The following GALNT13 variants were observed in gnomAD, a reference collection of about 807,000 sequenced individuals.
GALNT13 encodes polypeptide N-acetylgalactosaminyltransferase 13.
GALNT13 carries 28 observed loss-of-function variants against 64.2 expected under a neutral mutation model. The ratio of observed to expected loss-of-function variants is 0.44; its 90% CI spans 0.32 to 0.60. The LOEUF (loss-of-function observed/expected upper bound fraction) is 0.60, where lower values mean the gene tolerates loss of function less well. Ranked by LOEUF, GALNT13 falls within the 20% of genes least tolerant of loss-of-function variation. GALNT13 has a pLI of 0.05. For synonymous variants in GALNT13, 214 were observed against 224.6 expected, an observed-to-expected ratio of 0.95 and a Z score of 0.42; for missense variants, 577 against 669.8, an observed-to-expected ratio of 0.86 and a Z score of 1.53.
At chr2:153,110,998 T>C in the GALNT13 span, among the ~76,000 whole-genome samples, 2 of 152,124 alleles carry the variant, frequency 1.3e-5, no homozygotes, top group African/African-American at 4.8e-5. Context: ...TAGAAGCTTA[T>C]ATCTTTTTTC....
chr2:154,255,986 G>A (rs1187103105), intron 7 of GALNT13, among the ~76,000 whole-genome samples: 2 of 151,936 alleles, frequency 1.3e-5, no homozygotes, highest in Admixed American at 6.6e-5. Context: ...CTGGGAAGTC[G>A]AGGCTGCAGG....
intron 8 of GALNT13, among the ~76,000 whole-genome samples, chr2:154,268,749 A>G (rs187740360): frequency 1.3e-5 from 2 of 152,240 alleles, no homozygotes; most frequent in East Asian, 3.9e-4. Context: ...TCAATATATC[A>G]TAGTCCAGTT....
chr2:153,639,375 A>G, the GALNT13 span, among the ~76,000 whole-genome samples: 2,228 of 152,282 alleles, frequency 0.015, 41 homozygotes, highest in African/African-American at 0.051. Context: ...GATAATGCCA[A>G]GGTTTCTAAG....
At chr2:153,510,124 C>G in the GALNT13 span, among the ~76,000 whole-genome samples, 1 of 152,110 alleles carries the variant, frequency 6.6e-6, no homozygotes, top group Non-Finnish European at 1.5e-5. Context: ...CCAGCCTAAG[C>G]ATGACTCAAA....
chr2:153,213,282 A>G, the GALNT13 span, among the ~76,000 whole-genome samples: 171 of 152,310 alleles, frequency 1.1e-3, 1 homozygote, highest in Non-Finnish European at 2.0e-3. Context: ...TGCACACACA[A>G]TGGGTTTGTG....
the GALNT13 span, among the ~76,000 whole-genome samples, chr2:153,789,892 A>T: frequency 0.11 from 16,302 of 152,210 alleles, 1,160 homozygotes; most frequent in Non-Finnish European, 0.16. Context: ...AAAGAAATTG[A>T]TTCCCTGAGC....
At chr2:153,341,247 G>T in the GALNT13 span, among the ~76,000 whole-genome samples, 2 of 152,208 alleles carry the variant, frequency 1.3e-5, no homozygotes, top group Admixed American at 6.5e-5. Flanking sequence ...GCTAGGAGTA[G>T]TGAGTGCTTA....
chr2:153,811,224 G>C, the GALNT13 span, among the ~76,000 whole-genome samples: 3 of 152,094 alleles, frequency 2.0e-5, no homozygotes, highest in Non-Finnish European at 4.4e-5. Context: ...TTTTTATTTC[G>C]ATCTAATGAC....
chr2:154,432,014 G>T (rs1700733961), intron 11 of GALNT13, among the ~76,000 whole-genome samples: 1 of 152,050 alleles, frequency 6.6e-6, no homozygotes, highest in African/African-American at 2.4e-5. Flanking sequence ...CATCATCTAT[G>T]AAAAGAAAAA....
At chr2:153,193,408 G>T in the GALNT13 span, among the ~76,000 whole-genome samples, 1 of 138,212 alleles carries the variant, frequency 7.2e-6, no homozygotes, top group African/African-American at 2.7e-5. Context: ...AGATCACATG[G>T]ACACAGGAAG....
chr2:154,116,550 A>G (rs1000555753), intron 3 of GALNT13, among the ~76,000 whole-genome samples: 12 of 152,184 alleles, frequency 7.9e-5, no homozygotes, highest in Admixed American at 1.3e-4. Flanking sequence ...ACTAGGAGCA[A>G]CCAACCAGCT....
chr2:153,534,518 C>CTTT, the GALNT13 span, among the ~76,000 whole-genome samples: 8,498 of 122,078 alleles, frequency 0.07, 347 homozygotes, highest in Middle Eastern at 0.091. Context: ...GCCCCTCTTT[C>CTTT]TTTCTTTCTT....
chr2:154,249,437 A>G, intron 7 of GALNT13, among the ~76,000 whole-genome samples: 1 of 152,176 alleles, frequency 6.6e-6, no homozygotes, highest in South Asian at 2.1e-4. Flanking sequence ...GGACCTCTAG[A>G]AAGGAGCCTG....
intron 3 of GALNT13, among the ~76,000 whole-genome samples, chr2:154,008,911 T>C (rs1407991720): frequency 6.6e-6 from 1 of 152,224 alleles, no homozygotes; most frequent in East Asian, 1.9e-4. Context: ...TATACGAGTG[T>C]ATGTGTTTTT....
chr2:154,237,632 G>T (rs142075539), intron 4 of GALNT13, among the ~76,000 whole-genome samples: 2 of 149,928 alleles, frequency 1.3e-5, no homozygotes, highest in East Asian at 3.9e-4. Context: ...AATGCATTTT[G>T]TTGTCTAAAC....
chr2:154,263,079 C>T (rs746664426), intron 8 of GALNT13, among the ~76,000 whole-genome samples: 10 of 152,048 alleles, frequency 6.6e-5, no homozygotes, highest in Non-Finnish European at 8.8e-5. Context: ...TGCCACTATC[C>T]AATCAACTCA....
chr2:153,178,911 AT>A, the GALNT13 span, among the ~76,000 whole-genome samples: 128 of 142,656 alleles, frequency 9.0e-4, no homozygotes, highest in Admixed American at 1.3e-3. Flanking sequence ...GTTTTTTGGT[AT>A]TTTTTTTTTT....
the GALNT13 span, among the ~76,000 whole-genome samples, chr2:153,753,882 C>T: frequency 6.6e-6 from 1 of 152,330 alleles, no homozygotes; most frequent in African/African-American, 2.4e-5. Flanking sequence ...AAACATTTAC[C>T]TGGCATTCTA....
At chr2:153,277,354 T>G in the GALNT13 span, among the ~76,000 whole-genome samples, 1 of 152,322 alleles carries the variant, frequency 6.6e-6, no homozygotes, top group East Asian at 1.9e-4. Context: ...CGGCCTCCAG[T>G]TTCATCTATT....
Sources: allele counts gnomAD v4.1 joint callset (sites outside exome capture counted in the v4.1 genomes callset), GRCh38; gene constraint gnomAD v4.1.1; transcripts MANE v1.5; gene names NCBI Gene and HGNC (gene_info 2026-07-23, HGNC 2026-07-21).